CALN1: variants seen among roughly 807,000 people sequenced by gnomAD.
CALN1 encodes calcium-binding protein 8.
In CALN1, 17 loss-of-function variants were observed where a neutral mutation model predicts 30.6. That is an observed-to-expected ratio of 0.56 (90% CI 0.38 to 0.83). The LOEUF (loss-of-function observed/expected upper bound fraction) is 0.83, where lower values mean the gene tolerates loss of function less well. Among genes scored for constraint, CALN1 ranks in the 40% least tolerant of loss-of-function variants. The probability of loss-of-function intolerance (pLI) is 0.00; values close to 1 mark genes in which losing one functional copy is unlikely to be tolerated. For synonymous variants in CALN1, 156 were observed against 131.4 expected (o/e 1.19, Z -1.28); for missense variants, 291 against 354.9 (o/e 0.82, Z 1.45).
chr7:72,411,774 C>G (rs937746483), intron 1 of CALN1, among the ~76,000 whole-genome samples: 1 of 151,858 alleles, frequency 6.6e-6, no homozygotes, highest in African/African-American at 2.4e-5. Flanking sequence ...AATGTAATTG[C>G]TAAGGAATAA....
At chr7:72,445,016 T>C (rs1057284279) in intron 1 of CALN1, among the ~76,000 whole-genome samples, 6 of 150,358 alleles carry the variant, frequency 4.0e-5, no homozygotes, top group Admixed American at 1.3e-4. Flanking sequence ...CACTGGGACC[T>C]GCGTACAGCT....
chr7:72,166,598 T>C (rs1374460688), intron 3 of CALN1, among the ~76,000 whole-genome samples: 1 of 152,206 alleles, frequency 6.6e-6, no homozygotes, highest in East Asian at 1.9e-4. Context: ...AACTAACAAC[T>C]ACCTCCCTCC....
At chr7:72,257,077 C>T (rs1181891426) in intron 3 of CALN1, among the ~76,000 whole-genome samples, 1 of 152,134 alleles carries the variant, frequency 6.6e-6, no homozygotes, top group Non-Finnish European at 1.5e-5. Flanking sequence ...CCTCAAGAAA[C>T]TTACAATCAT....
intron 3 of CALN1, among the ~76,000 whole-genome samples, chr7:72,140,349 AGGGAGGG>A (rs1809828963): frequency 1.4e-4 from 2 of 14,306 alleles, no homozygotes; most frequent in African/African-American, 1.4e-3. Flanking sequence ...GAAGGGAGGG[AGGGAGGG>A]AGGGAGGGAG....
chr7:71,871,102 C>A (rs1018744678), intron 5 of CALN1, among the ~76,000 whole-genome samples: 3 of 152,126 alleles, frequency 2.0e-5, no homozygotes, highest in South Asian at 2.1e-4. Context: ...GAGAGATTCT[C>A]AATCTACTTA....
At chr7:72,299,268 A>G (rs990928348) in intron 2 of CALN1, among the ~76,000 whole-genome samples, 1 of 152,216 alleles carries the variant, frequency 6.6e-6, no homozygotes, top group Non-Finnish European at 1.5e-5. Flanking sequence ...CAGAGAAATT[A>G]CCATGAAACA....
chr7:72,102,021 AT>A (rs1272078765), intron 4 of CALN1, among the ~76,000 whole-genome samples: 1 of 152,100 alleles, frequency 6.6e-6, no homozygotes, highest in Admixed American at 6.6e-5. Context: ...AAATGCAGTC[AT>A]TTTTCAAAGC....
At chr7:72,344,474 C>A (rs993583081) in intron 2 of CALN1, among the ~76,000 whole-genome samples, 1 of 150,882 alleles carries the variant, frequency 6.6e-6, no homozygotes, top group Non-Finnish European at 1.5e-5. Context: ...TATATGGGAT[C>A]CGTGTACACA....
At position 72,036,364 on chromosome 7, in the gene CALN1, T is replaced by G. The variant is rs989996699; in HGVS notation, c.389-12595A>C. Among the ~76,000 whole-genome samples, 3 of 152,216 alleles carry G rather than the reference T, an allele frequency of 2.0e-5. No homozygotes were observed. In the South Asian group the frequency reaches 6.2e-4, roughly 32 times the overall value. On this transcript the variant is annotated intron_variant, in intron 4 of 6. Coordinates refer to ENST00000395275, the MANE Select transcript of CALN1 (RefSeq NM_031468.4). ...CCTGGATATTGTCAATCTCCTTGAA[T>G]GTTTAATATTTTTCATCAAATTTAG...
intron 5 of CALN1, among the ~76,000 whole-genome samples, chr7:71,871,772 T>C (rs191907351): frequency 6.6e-6 from 1 of 152,264 alleles, no homozygotes; most frequent in Non-Finnish European, 1.5e-5. Flanking sequence ...CTCTCCACTC[T>C]TATGTTTTTT....
intron 3 of CALN1, among the ~76,000 whole-genome samples, chr7:72,129,827 T>C (rs1809016227): frequency 6.6e-6 from 1 of 152,102 alleles, no homozygotes; most frequent in Non-Finnish European, 1.5e-5. Context: ...ACCCAAACAA[T>C]GGAAGAGTAT....
At chr7:72,303,008 G>A (rs2129555758) in intron 2 of CALN1, among the ~76,000 whole-genome samples, 1 of 151,180 alleles carries the variant, frequency 6.6e-6, no homozygotes. Context: ...AGGAGTTCAG[G>A]AGTTCAAGGA....
At chr7:72,423,947 A>G (rs1483359201) in intron 1 of CALN1, among the ~76,000 whole-genome samples, 1 of 126,454 alleles carries the variant, frequency 7.9e-6, no homozygotes, top group Admixed American at 7.6e-5. Context: ...AGAAAGAAAG[A>G]AAGAAGGGAG....
At chr7:72,148,079 C>T (rs1473326958) in intron 3 of CALN1, among the ~76,000 whole-genome samples, 1 of 136,920 alleles carries the variant, frequency 7.3e-6, no homozygotes, top group African/African-American at 2.8e-5. Flanking sequence ...TACCCTAGAA[C>T]TTAAAGTATA....
chr7:72,437,019 G>A (rs1413391139), intron 1 of CALN1, among the ~76,000 whole-genome samples: 2 of 151,798 alleles, frequency 1.3e-5, no homozygotes, highest in African/African-American at 4.8e-5. Flanking sequence ...AGTCTGCAGT[G>A]AGCTGTGATT....
At chr7:72,419,174 TG>T (rs1562962123) in intron 1 of CALN1, among the ~76,000 whole-genome samples, 1 of 152,180 alleles carries the variant, frequency 6.6e-6, no homozygotes, top group African/African-American at 2.4e-5. Flanking sequence ...GCCCTGCCGC[TG>T]CTCAAAGCAT....
At chr7:71,806,450 G>A (rs1488007057) in intron 6 of CALN1, among the ~76,000 whole-genome samples, 1 of 151,896 alleles carries the variant, frequency 6.6e-6, no homozygotes, top group Non-Finnish European at 1.5e-5. Flanking sequence ...GGGATTCCAC[G>A]CACATGCCAC....
chr7:72,344,940 A>G (rs1312745679), intron 2 of CALN1, among the ~76,000 whole-genome samples: 1 of 147,550 alleles, frequency 6.8e-6, no homozygotes, highest in Non-Finnish European at 1.5e-5. Context: ...TTATTCATAT[A>G]TGAATTGTTT....
intron 1 of CALN1, among the ~76,000 whole-genome samples, chr7:72,411,705 C>A (rs1483823231): frequency 1.3e-5 from 2 of 152,148 alleles, no homozygotes; most frequent in Non-Finnish European, 2.9e-5. Context: ...GAGAAACTAA[C>A]TGGAAGACAC....
Sources: allele counts gnomAD v4.1 joint callset (sites outside exome capture counted in the v4.1 genomes callset), GRCh38; gene constraint gnomAD v4.1.1; transcripts MANE v1.5; gene names NCBI Gene and HGNC (gene_info 2026-07-23, HGNC 2026-07-21).